Variants in CTNNA2 observed in about 807,000 individuals in gnomAD.
The protein encoded by CTNNA2 is catenin alpha-2.
Under a neutral mutation model 101.0 loss-of-function variants are expected in CTNNA2, and 42 were observed. That is an observed-to-expected ratio of 0.42 (90% CI 0.32 to 0.54). CTNNA2 has a LOEUF of 0.54. Among genes scored for constraint, CTNNA2 ranks in the 20% least tolerant of loss-of-function variants. CTNNA2 has a pLI of 0.14. For missense variants in CTNNA2, 871 were observed against 1,223.1 expected, an observed-to-expected ratio of 0.71 and a Z score of 4.29; for synonymous variants, 450 against 456.4, an observed-to-expected ratio of 0.99 and a Z score of 0.18.
chr2:80,204,808 C>A (rs1481310199), intron 7 of CTNNA2, among the ~76,000 whole-genome samples: 1 of 148,582 alleles, frequency 6.7e-6, no homozygotes, highest in Non-Finnish European at 1.5e-5. Context: ...AAAGACATAC[C>A]CAAGACTGGG....
intron 7 of CTNNA2, among the ~76,000 whole-genome samples, chr2:80,295,167 C>T (rs1286089282): frequency 6.6e-6 from 1 of 151,792 alleles, no homozygotes; most frequent in Non-Finnish European, 1.5e-5. Context: ...TCTCTCAATT[C>T]CTAATATCCA....
At chr2:79,689,036 G>C (rs974361934) in intron 2 of CTNNA2, among the ~76,000 whole-genome samples, 1 of 151,594 alleles carries the variant, frequency 6.6e-6, no homozygotes, top group Non-Finnish European at 1.5e-5. Flanking sequence ...ACTTGATGCT[G>C]GCTGTCAGCT....
intron 9 of CTNNA2, among the ~76,000 whole-genome samples, chr2:80,541,239 A>G (rs1691531785): frequency 1.3e-5 from 2 of 152,226 alleles, no homozygotes; most frequent in South Asian, 4.1e-4. Flanking sequence ...CATATTGGAA[A>G]TATTTTCAGA....
intron 7 of CTNNA2, among the ~76,000 whole-genome samples, chr2:80,239,861 G>A (rs576603832): frequency 7.9e-5 from 12 of 151,660 alleles, no homozygotes; most frequent in Non-Finnish European, 1.3e-4. Context: ...GCAGTGAGCC[G>A]AGATCGCTCC....
intron 7 of CTNNA2, among the ~76,000 whole-genome samples, chr2:80,250,548 A>T (rs1573512229): frequency 6.6e-6 from 1 of 152,124 alleles, no homozygotes; most frequent in Non-Finnish European, 1.5e-5. Flanking sequence ...AAGGGGCTCC[A>T]TTCAATGGAG....
intron 3 of CTNNA2, among the ~76,000 whole-genome samples, chr2:79,845,667 C>A (rs1680177930): frequency 1.3e-5 from 2 of 152,182 alleles, no homozygotes; most frequent in African/African-American, 4.8e-5. Flanking sequence ...ACCCTAGTGA[C>A]AAGCTATTGA....
At chr2:79,926,710 A>T (rs1473863251) in intron 7 of CTNNA2, among the ~76,000 whole-genome samples, 2 of 152,004 alleles carry the variant, frequency 1.3e-5, no homozygotes, top group African/African-American at 4.8e-5. Context: ...CTTATAAATA[A>T]AATTTAGAAT....
chr2:80,212,977 C>T (rs914098227), intron 7 of CTNNA2, among the ~76,000 whole-genome samples: 1 of 152,096 alleles, frequency 6.6e-6, no homozygotes, highest in Non-Finnish European at 1.5e-5. Context: ...TCCATTTCTT[C>T]TAGATTTTCT....
At chr2:79,831,540 A>T (rs571548970) in intron 3 of CTNNA2, among the ~76,000 whole-genome samples, 1 of 152,194 alleles carries the variant, frequency 6.6e-6, no homozygotes, top group Admixed American at 6.5e-5. Context: ...TCCTTCCCAC[A>T]ATTTTGCCTT....
At chr2:80,361,372 G>A (rs755466285) in intron 7 of CTNNA2, among the ~76,000 whole-genome samples, 4 of 151,994 alleles carry the variant, frequency 2.6e-5, no homozygotes, top group Admixed American at 6.6e-5. Flanking sequence ...TTTACTCAGC[G>A]TGGGTGCAAA....
At chr2:79,439,736 C>T (rs980789511) in intron 4 of CTNNA2, among the ~76,000 whole-genome samples, 1 of 151,980 alleles carries the variant, frequency 6.6e-6, no homozygotes, top group Non-Finnish European at 1.5e-5. Context: ...GTTTCCTGAC[C>T]AGCAGCATTA....
At chr2:79,471,563 G>T (rs1670999341) in intron 4 of CTNNA2, among the ~76,000 whole-genome samples, 1 of 152,118 alleles carries the variant, frequency 6.6e-6, no homozygotes, top group South Asian at 2.1e-4. Context: ...TATCGGCCGG[G>T]TGCAGTGGCT....
chr2:79,802,219 A>G (rs987303680), intron 3 of CTNNA2, among the ~76,000 whole-genome samples: 4 of 152,148 alleles, frequency 2.6e-5, no homozygotes, highest in African/African-American at 9.7e-5. Context: ...TTATTCTTGT[A>G]TCACTCCTGA....
chr2:79,940,885 T>C (rs928558877), intron 7 of CTNNA2, among the ~76,000 whole-genome samples: 2 of 152,206 alleles, frequency 1.3e-5, no homozygotes, highest in African/African-American at 4.8e-5. Context: ...TACTCAAAAA[T>C]CGATTTCTAC....
In CTNNA2 at chr2:79,979,997, C is replaced by T. The variant is rs1013038993; in HGVS notation, c.1056+70200C>T. Reference sequence around the variant, plus strand: ...AACTGGAGATGTTGCATCCGATGACCTCTAAGTGCTTCTCCATCTCTAAGT... The same window carrying T: ...AACTGGAGATGTTGCATCCGATGACTTCTAAGTGCTTCTCCATCTCTAAGT... On this transcript the variant is annotated intron_variant, in intron 7 of 18. Coordinates refer to ENST00000402739, the MANE Select transcript of CTNNA2 (RefSeq NM_001282597.3). 2.6e-5 allele frequency among the ~76,000 whole-genome samples: 4 copies of T among 152,302 alleles called. No individual in the cohort carries two copies. The South Asian group carries it at 6.2e-4, about 24-fold the overall frequency.
At chr2:79,593,293 C>A (rs937057505) in intron 1 of CTNNA2, among the ~76,000 whole-genome samples, 30 of 152,168 alleles carry the variant, frequency 2.0e-4, no homozygotes, top group Non-Finnish European at 2.6e-4. Context: ...TAGGATAATA[C>A]AGCCTTTGCT....
At chr2:79,220,605 G>A (rs932492097) in intron 2 of CTNNA2, among the ~76,000 whole-genome samples, 3 of 152,106 alleles carry the variant, frequency 2.0e-5, no homozygotes, top group African/African-American at 7.2e-5. Flanking sequence ...TTTAGAGTAA[G>A]CAGATGGGCA....
intron 9 of CTNNA2, among the ~76,000 whole-genome samples, chr2:80,470,063 C>A (rs540647851): frequency 6.6e-6 from 1 of 152,056 alleles, no homozygotes; most frequent in African/African-American, 2.4e-5. Context: ...TTTACCCGTG[C>A]GGGGGAGAGA....
At chr2:80,538,035 G>T (rs1691199242) in intron 9 of CTNNA2, among the ~76,000 whole-genome samples, 1 of 152,118 alleles carries the variant, frequency 6.6e-6, no homozygotes, top group African/African-American at 2.4e-5. Flanking sequence ...CATCTTTTGA[G>T]AAGTCTCTGT....
Sources: allele counts gnomAD v4.1 joint callset (sites outside exome capture counted in the v4.1 genomes callset), GRCh38; gene constraint gnomAD v4.1.1; transcripts MANE v1.5; gene names NCBI Gene and HGNC (gene_info 2026-07-23, HGNC 2026-07-21).